The following SDK2 variants were observed in gnomAD, a reference collection of about 807,000 sequenced individuals.
SDK2 encodes the protein sidekick cell adhesion molecule 2, also known as protein sidekick-2.
Under a neutral mutation model 253.9 loss-of-function variants are expected in SDK2, and 105 were observed. That is an observed-to-expected ratio of 0.41 (90% CI 0.35 to 0.49). The LOEUF is 0.49. SDK2 is among the 20% of genes least tolerant of loss of function. SDK2 has a pLI of 0.06. For synonymous variants in SDK2, 1,249 were observed against 1,234.9 expected (o/e 1.01, Z -0.24); for missense variants, 2,608 against 3,003.0 (o/e 0.87, Z 3.07).
At chr17:73,427,615 G>A (rs2063293234) in intron 12 of SDK2, among the ~76,000 whole-genome samples, 1 of 137,180 alleles carries the variant, frequency 7.3e-6, no homozygotes, top group Non-Finnish European at 1.5e-5. Flanking sequence ...TCAACAAACA[G>A]TGCTGGAAAA....
At chr17:73,626,252 T>G (rs8082629) in intron 1 of SDK2, among the ~76,000 whole-genome samples, 54,087 of 152,142 alleles carry the variant, frequency 0.36, 9,832 homozygotes, top group African/African-American at 0.41. Flanking sequence ...CAAGTCCTCC[T>G]CTCTTGTCTG....
At chr17:73,458,694 G>C (rs975170622) in intron 3 of SDK2, among the ~76,000 whole-genome samples, 8 of 152,124 alleles carry the variant, frequency 5.3e-5, no homozygotes, top group Admixed American at 1.3e-4. Flanking sequence ...AGCTCTCCTT[G>C]CATCCTAAGT....
intron 1 of SDK2, among the ~76,000 whole-genome samples, chr17:73,581,227 CT>C (rs1437883562): frequency 6.6e-6 from 1 of 152,206 alleles, no homozygotes; most frequent in East Asian, 1.9e-4. Context: ...CAATCTGTAC[CT>C]TTAACAGCAC....
chr17:73,447,049 G>T lies in SDK2; in HGVS notation c.613+566C>A, dbSNP rs2063457763. On this transcript the variant is annotated intron_variant, in intron 5 of 44. Transcript: ENST00000392650. The surrounding 1 kb of genome is among the most constrained non-coding windows in gnomAD (Gnocchi z 4.0). ...CACTGTGTGGTGAGTTCTAGGGAGG[G>T]CTTTGCCCTTTTCGCCCAGGGAGCT... 6.6e-6 allele frequency among the ~76,000 whole-genome samples: 1 copy of T among 152,198 alleles called. No homozygotes were observed. Among genetic ancestry groups the T allele is most frequent in the South Asian group, 2.1e-4 (1 of 4,828 alleles).
At chr17:73,623,611 G>T (rs2046161762) in intron 1 of SDK2, among the ~76,000 whole-genome samples, 1 of 152,162 alleles carries the variant, frequency 6.6e-6, no homozygotes, top group African/African-American at 2.4e-5. Context: ...GGGATAGGGT[G>T]GGGAGAGCAC....
intron 4 of SDK2, among the ~76,000 whole-genome samples, chr17:73,452,220 C>T (rs1476623320): frequency 1.3e-5 from 2 of 152,196 alleles, no homozygotes; most frequent in South Asian, 2.1e-4. Context: ...CTAATCTCTG[C>T]TCTTGCCCCA....
chr17:73,476,103 G>C (rs1183320857), intron 2 of SDK2, among the ~76,000 whole-genome samples: 2 of 152,078 alleles, frequency 1.3e-5, no homozygotes, highest in African/African-American at 2.4e-5. Flanking sequence ...CAAAGACTCT[G>C]TCTCAAAAAA....
chr17:73,424,826 A>G (rs2063266448), intron 12 of SDK2, among the ~76,000 whole-genome samples: 1 of 152,204 alleles, frequency 6.6e-6, no homozygotes, highest in African/African-American at 2.4e-5. Flanking sequence ...GCTGGGGTAC[A>G]GGGTGGGGGC....
chr17:73,558,616 T>C (rs1242490225), intron 1 of SDK2, among the ~76,000 whole-genome samples: 1 of 152,220 alleles, frequency 6.6e-6, no homozygotes, highest in Non-Finnish European at 1.5e-5. Flanking sequence ...CAGTGGACTA[T>C]GGAGGACCCA....
chr17:73,425,353 G>C (rs367649415), intron 12 of SDK2, among the ~76,000 whole-genome samples: 15 of 152,340 alleles, frequency 9.8e-5, no homozygotes, highest in East Asian at 9.6e-4. Flanking sequence ...AGGGAACCAC[G>C]ATTAACATTT....
At chr17:73,544,376 C>T (rs957242171) in intron 1 of SDK2, among the ~76,000 whole-genome samples, 9 of 152,230 alleles carry the variant, frequency 5.9e-5, no homozygotes, top group African/African-American at 2.2e-4. Flanking sequence ...CCCACCCGCA[C>T]TGAGCTCCGT....
At chr17:73,552,905 C>A (rs1196341285) in intron 1 of SDK2, among the ~76,000 whole-genome samples, 1 of 152,248 alleles carries the variant, frequency 6.6e-6, no homozygotes, top group Admixed American at 6.5e-5. Context: ...CTCTGGCTGG[C>A]GCTCAGAGAT....
intron 27 of SDK2, 97 bp downstream of exon 27, chr17:73,393,463 T>G: frequency 8.6e-7 from 1 of 1,167,730 alleles, no homozygotes; most frequent in Admixed American, 3.0e-5. Flanking sequence ...TGGCTCCCTG[T>G]GGGGCAGAGC....
intron 1 of SDK2, among the ~76,000 whole-genome samples, chr17:73,548,393 G>A (rs1048468918): frequency 2.0e-5 from 3 of 152,184 alleles, no homozygotes; most frequent in Non-Finnish European, 2.9e-5. Flanking sequence ...CCCTGCCCCC[G>A]AGTGGGTCCT....
At chr17:73,572,907 A>T (rs2045408455) in intron 1 of SDK2, among the ~76,000 whole-genome samples, 1 of 152,154 alleles carries the variant, frequency 6.6e-6, no homozygotes, top group Non-Finnish European at 1.5e-5. Flanking sequence ...GCGCCGTCAA[A>T]CACCCAGCAT....
chr17:73,622,304 C>T (rs1452565397), intron 1 of SDK2, among the ~76,000 whole-genome samples: 1 of 152,186 alleles, frequency 6.6e-6, no homozygotes, highest in East Asian at 1.9e-4. Context: ...GGAAAGGGGA[C>T]CCAGGGCCCT....
rs1872088 is a variant in SDK2 at position 73,541,055 on chromosome 17, C to A, written c.65-33458G>T. On this transcript the variant is annotated intron_variant, in intron 1 of 44. Transcript: ENST00000392650. The surrounding 1 kb of genome is among the most constrained non-coding windows in gnomAD (Gnocchi z 4.3). ...AAGCTGCCAATGGTAAGCTGCTAGG[C>A]CCCCTGAGAGTAGGTGTCTGCCAGT... 6.6e-6 allele frequency among the ~76,000 whole-genome samples: 1 copy of A among 152,122 alleles called. No individual in the cohort carries two copies. Among genetic ancestry groups the A allele is most frequent in the South Asian group, 2.1e-4 (1 of 4,822 alleles).
Position 73,390,274 on chromosome 17 carries a change from CG to C in SDK2, c.4192+12del. 6.4e-7 allele frequency: 1 copy of C among 1,555,470 alleles called. No homozygotes were observed. Among genetic ancestry groups the C allele is most frequent in the South Asian group, 1.2e-5 (1 of 84,618 alleles). ...CTGCCCCCAAGCCTTCCCTGGCCCC[CG>C]TGGGCAGTCACCTCTCTTCTCGGTG... On this transcript the variant is annotated intron_variant, in intron 29 of 44. Coordinates refer to ENST00000392650, the MANE Select transcript of SDK2 (RefSeq NM_001144952.2).
At position 73,352,036 on chromosome 17, in the gene SDK2, C is replaced by T. The variant is rs1026589274; in HGVS notation, c.5758+437G>A. Among the ~76,000 whole-genome samples, 2 of 151,994 alleles carry T rather than the reference C, an allele frequency of 1.3e-5. No homozygotes were observed. Among genetic ancestry groups the T allele is most frequent in the African/African-American group, 4.8e-5 (2 of 41,360 alleles). Reference sequence around the variant, plus strand: ...GGAGGAAAATGGGAGGGGTGGTGACCCTGCTGCACCCAGGCACTAGGTCAG... The same window carrying T: ...GGAGGAAAATGGGAGGGGTGGTGACTCTGCTGCACCCAGGCACTAGGTCAG... On this transcript the variant is annotated intron_variant, in intron 41 of 44. Transcript: ENST00000392650. This position sits in a 1 kb window ranked among gnomAD's most constrained non-coding sequence, Gnocchi z 4.1.
Sources: gnomAD v4.1 joint callset for allele counts (sites outside exome capture counted in the v4.1 genomes callset) on GRCh38, gnomAD v4.1.1 for gene constraint, Gnocchi (gnomAD v3.1) non-coding constraint, MANE v1.5 for transcripts, NCBI Gene and HGNC (gene_info 2026-07-23, HGNC 2026-07-21) for gene names.